TMEM108: variants seen among roughly 807,000 people sequenced by gnomAD.
TMEM108 encodes cancer/testis antigen 124.
TMEM108 carries 12 observed loss-of-function variants against 35.1 expected under a neutral mutation model. The ratio of observed to expected loss-of-function variants is 0.34; its 90% CI spans 0.22 to 0.55. The LOEUF (loss-of-function observed/expected upper bound fraction) is 0.55, where lower values mean the gene tolerates loss of function less well. TMEM108 is among the 20% of genes least tolerant of loss of function. The pLI is 0.89. For synonymous variants in TMEM108, 287 were observed against 308.6 expected, an observed-to-expected ratio of 0.93 and a Z score of 0.73; for missense variants, 680 against 753.3, an observed-to-expected ratio of 0.90 and a Z score of 1.14.
chr3:133,151,498 G>A (rs1402210961), intron 2 of TMEM108, among the ~76,000 whole-genome samples: 2 of 152,208 alleles, frequency 1.3e-5, no homozygotes, highest in Non-Finnish European at 2.9e-5. Flanking sequence ...AATTTTCTTT[G>A]TAGAGCCATT....
intron 2 of TMEM108, among the ~76,000 whole-genome samples, chr3:133,089,950 G>C (rs1943928596): frequency 6.6e-6 from 1 of 152,160 alleles, no homozygotes; most frequent in Non-Finnish European, 1.5e-5. Flanking sequence ...CAAAAATGAA[G>C]GGCTCAGCTA....
intron 2 of TMEM108, among the ~76,000 whole-genome samples, chr3:133,172,519 CTTGTG>C (rs1945145078): frequency 6.6e-6 from 1 of 152,146 alleles, no homozygotes; most frequent in South Asian, 2.1e-4. Flanking sequence ...CTATGCACAT[CTTGTG>C]TTAAGTAAAG....
intron 2 of TMEM108, among the ~76,000 whole-genome samples, chr3:133,158,437 T>C (rs1944912096): frequency 7.8e-6 from 1 of 128,980 alleles, no homozygotes. Context: ...CACTGCACTC[T>C]AGCCTGGCAA....
chr3:133,264,733 AAGAAC>A (rs1394876246), intron 3 of TMEM108, among the ~76,000 whole-genome samples: 1 of 152,206 alleles, frequency 6.6e-6, no homozygotes, highest in East Asian at 1.9e-4. Context: ...TTACCATAAA[AAGAAC>A]AGGGTTTGAA....
Position 133,107,019 on chromosome 3 carries a change from G to A in TMEM108, c.-47+60999G>A, listed in dbSNP as rs569121898. Among the ~76,000 whole-genome samples the A allele has an allele frequency of 7.9e-5, 12 of 152,198 alleles. No homozygotes were observed. The South Asian group carries it at 1.7e-3, about 21-fold the overall frequency. ...AAAAGAGTAATTTTATTTAAATAACGTTGAACAGATTGTAAAAAACTTGCC... is the reference window on the plus strand; with the variant it reads ...AAAAGAGTAATTTTATTTAAATAACATTGAACAGATTGTAAAAAACTTGCC... On this transcript the variant is annotated intron_variant, in intron 2 of 5. Transcript: ENST00000321871.
At chr3:133,268,715 G>C (rs1180140758) in intron 3 of TMEM108, among the ~76,000 whole-genome samples, 1 of 152,122 alleles carries the variant, frequency 6.6e-6, no homozygotes, top group Non-Finnish European at 1.5e-5. Context: ...ATACTTCTCT[G>C]CTCTAAACTT....
intron 3 of TMEM108, among the ~76,000 whole-genome samples, chr3:133,267,035 C>T (rs1350325302): frequency 2.7e-5 from 4 of 148,602 alleles, no homozygotes; most frequent in African/African-American, 7.5e-5. Flanking sequence ...AAGTCGAGAT[C>T]GCGCCACTGC....
intron 2 of TMEM108, among the ~76,000 whole-genome samples, chr3:133,047,178 T>G (rs1943350338): frequency 6.6e-6 from 1 of 152,192 alleles, no homozygotes; most frequent in Non-Finnish European, 1.5e-5. Context: ...CGATGCAGAC[T>G]ATAGCTCAGC....
At chr3:133,250,709 A>G (rs73860869) in intron 3 of TMEM108, among the ~76,000 whole-genome samples, 262 of 152,328 alleles carry the variant, frequency 1.7e-3, no homozygotes, top group African/African-American at 5.6e-3. Flanking sequence ...AATGTTAAAC[A>G]ATTGTGTTTT....
intron 3 of TMEM108, among the ~76,000 whole-genome samples, chr3:133,262,805 C>T (rs1946643057): frequency 5.3e-5 from 8 of 152,236 alleles, no homozygotes; most frequent in Admixed American, 5.2e-4. Flanking sequence ...AATTGCACCC[C>T]TTTCACTCAA....
intron 3 of TMEM108, among the ~76,000 whole-genome samples, chr3:133,377,824 C>T (rs1383752290): frequency 1.3e-5 from 2 of 152,174 alleles, no homozygotes; most frequent in South Asian, 2.1e-4. Context: ...ACCGCCAGAG[C>T]GTTACTGCCA....
chr3:133,373,864 A>C (rs761680955), intron 3 of TMEM108, among the ~76,000 whole-genome samples: 1 of 152,244 alleles, frequency 6.6e-6, no homozygotes, highest in Non-Finnish European at 1.5e-5. Context: ...CAAAAATCTT[A>C]GGGTTGACCA....
At chr3:133,156,064 TTTTA>T (rs4017412) in intron 2 of TMEM108, among the ~76,000 whole-genome samples, 32 of 146,084 alleles carry the variant, frequency 2.2e-4, no homozygotes, top group African/African-American at 5.5e-4. Flanking sequence ...TTATTTTTTC[TTTTA>T]TTTATTTATT....
intron 2 of TMEM108, among the ~76,000 whole-genome samples, chr3:133,140,397 T>G (rs1944625377): frequency 6.6e-6 from 1 of 152,222 alleles, no homozygotes; most frequent in East Asian, 1.9e-4. Context: ...TGTATATTCC[T>G]TGATGATCTG....
intron 2 of TMEM108, among the ~76,000 whole-genome samples, chr3:133,190,600 C>T (rs1229505672): frequency 6.6e-6 from 1 of 152,178 alleles, no homozygotes; most frequent in Non-Finnish European, 1.5e-5. Context: ...TCTGATTACT[C>T]TGGTTGAGAA....
chr3:133,390,342 G>A lies in TMEM108; in HGVS notation c.1605+8G>A, dbSNP rs1237223606. ...TCCCTTGAAACCTCTGAGGTAATGA[G>A]CTTGAAAGTGCTGGCCCCACTGCAG... On this transcript the variant is annotated splice_region_variant and intron_variant, in intron 5 of 5. Coordinates refer to ENST00000321871, the MANE Select transcript of TMEM108 (RefSeq NM_023943.4). The A allele has an allele frequency of 3.1e-6, 5 of 1,613,688 alleles. No individual in the cohort carries two copies. Among genetic ancestry groups the A allele is most frequent in the Non-Finnish European group, 2.5e-6 (3 of 1,179,924 alleles).
intron 2 of TMEM108, among the ~76,000 whole-genome samples, chr3:133,180,576 C>T (rs114790088): frequency 6.6e-6 from 1 of 151,894 alleles, no homozygotes; most frequent in Non-Finnish European, 1.5e-5. Context: ...CACAAAAAAC[C>T]TTTCCCCAAA....
At chr3:133,391,690 T>G (rs1225360461) in intron 5 of TMEM108, among the ~76,000 whole-genome samples, 1 of 152,162 alleles carries the variant, frequency 6.6e-6, no homozygotes, top group Non-Finnish European at 1.5e-5. Flanking sequence ...TCGCCTCTCC[T>G]ACAACATCTT....
intron 3 of TMEM108, among the ~76,000 whole-genome samples, chr3:133,248,759 T>C (rs1253593658): frequency 6.6e-6 from 1 of 152,232 alleles, no homozygotes; most frequent in African/African-American, 2.4e-5. Flanking sequence ...AGCCTCATTA[T>C]TTTTTGGTTA....
Sources: allele counts gnomAD v4.1 joint callset (sites outside exome capture counted in the v4.1 genomes callset), GRCh38; gene constraint gnomAD v4.1.1; transcripts MANE v1.5; gene names NCBI Gene and HGNC (gene_info 2026-07-23, HGNC 2026-07-21).